RGL1: variants seen among roughly 807,000 people sequenced by gnomAD.
RGL1 encodes the protein ral guanine nucleotide dissociation stimulator-like 1.
A neutral mutation model predicts 95.2 loss-of-function variants in RGL1; 24 were observed. The ratio of observed to expected loss-of-function variants is 0.25; its 90% CI spans 0.18 to 0.35. The LOEUF (loss-of-function observed/expected upper bound fraction) is 0.35. Ranked by LOEUF, RGL1 falls within the 10% of genes least tolerant of loss-of-function variation. The probability of loss-of-function intolerance (pLI) is 1.00; values close to 1 mark genes in which losing one functional copy is unlikely to be tolerated. For missense variants in RGL1, 715 were observed against 936.3 expected (o/e 0.76, Z 3.08); for synonymous variants, 329 against 344.9 (o/e 0.95, Z 0.51).
intron 2 of RGL1, among the ~76,000 whole-genome samples, chr1:183,809,846 A>G (rs1031281989): frequency 6.6e-6 from 1 of 152,162 alleles, no homozygotes; most frequent in Non-Finnish European, 1.5e-5. Context: ...AGTCCCAGCT[A>G]CTTGGGAGGC....
chr1:183,834,975 G>A (rs1346150688), intron 2 of RGL1, among the ~76,000 whole-genome samples: 4 of 152,122 alleles, frequency 2.6e-5, no homozygotes, highest in Non-Finnish European at 5.9e-5. Flanking sequence ...CAGCCACCAT[G>A]CCTGGCCAAA....
intron 1 of RGL1, among the ~76,000 whole-genome samples, chr1:183,717,729 G>A (rs896283317): frequency 3.3e-5 from 5 of 152,198 alleles, no homozygotes; most frequent in African/African-American, 1.2e-4. Flanking sequence ...ATAAACTAGT[G>A]GAGGAGGCAT....
intron 1 of RGL1, among the ~76,000 whole-genome samples, chr1:183,636,799 G>A (rs553683275): frequency 2.0e-5 from 3 of 152,176 alleles, no homozygotes; most frequent in Non-Finnish European, 4.4e-5. Flanking sequence ...CCCATTTCTG[G>A]AATGTAGGAG....
At chr1:183,795,319 G>C (rs1196941954) in intron 2 of RGL1, among the ~76,000 whole-genome samples, 2 of 152,200 alleles carry the variant, frequency 1.3e-5, no homozygotes, top group African/African-American at 4.8e-5. Context: ...CAGTCTAATG[G>C]GAGAAACGGG....
chr1:183,921,667 A>G (rs1669314911), intron 16 of RGL1, among the ~76,000 whole-genome samples: 1 of 152,172 alleles, frequency 6.6e-6, no homozygotes, highest in Non-Finnish European at 1.5e-5. Context: ...AGCTATTGTG[A>G]ATAAATCTGC....
chr1:183,774,445 G>A (rs1047488118), intron 2 of RGL1, among the ~76,000 whole-genome samples: 1 of 152,170 alleles, frequency 6.6e-6, no homozygotes, highest in Non-Finnish European at 1.5e-5. Context: ...GGGACTGGGA[G>A]AAACTTGTCA....
chr1:183,902,442 T>A lies in RGL1; in HGVS notation c.1318-126T>A. On this transcript the variant is annotated intron_variant, in intron 11 of 17. Transcript: ENST00000360851. ...CTCTCTTCTTCCACAGTAGTCGTAA[T>A]TATAGGATCATTGATAATTGTGACT... is the stretch of plus-strand genomic sequence containing the variant. 3 of 658,230 alleles carry A rather than the reference T, an allele frequency of 4.6e-6. No homozygotes were observed. In the East Asian group the frequency reaches 8.6e-5, roughly 19 times the overall value. The allele number at this position is 658,230 out of a possible 1,614,324, so 40.8% of individuals were successfully genotyped here. A position where few individuals can be genotyped will look rare whatever the true frequency, so the allele number is the denominator to read the frequency against.
chr1:183,714,334 G>T (rs1205419155), intron 1 of RGL1, among the ~76,000 whole-genome samples: 6 of 152,130 alleles, frequency 3.9e-5, no homozygotes, highest in Non-Finnish European at 8.8e-5. Flanking sequence ...TTGCAAGGTG[G>T]TCTATCTTGT....
At chr1:183,921,309 A>G (rs1558296569) in intron 16 of RGL1, among the ~76,000 whole-genome samples, 1 of 152,218 alleles carries the variant, frequency 6.6e-6, no homozygotes, top group Non-Finnish European at 1.5e-5. Flanking sequence ...TTGAGTTTTA[A>G]TAACTATATA....
chr1:183,694,551 C>T (rs1012242576), intron 1 of RGL1, among the ~76,000 whole-genome samples: 1 of 152,172 alleles, frequency 6.6e-6, no homozygotes, highest in Non-Finnish European at 1.5e-5. Context: ...CAACATAAAG[C>T]ATTTGTCTTT....
chr1:183,719,474 C>G (rs1046991495), intron 1 of RGL1, among the ~76,000 whole-genome samples: 5 of 152,240 alleles, frequency 3.3e-5, no homozygotes, highest in Admixed American at 6.5e-5. Flanking sequence ...GGCACTGGCT[C>G]TGTCTCCTGA....
intron 9 of RGL1, among the ~76,000 whole-genome samples, chr1:183,894,088 C>A (rs544573841): frequency 3.3e-5 from 5 of 152,322 alleles, no homozygotes; most frequent in East Asian, 1.9e-4. Flanking sequence ...GCTTCACATG[C>A]CCCTGGCTTT....
At chr1:183,826,249 T>G (rs1662847348) in intron 2 of RGL1, among the ~76,000 whole-genome samples, 1 of 152,134 alleles carries the variant, frequency 6.6e-6, no homozygotes. Flanking sequence ...GAGACGGACT[T>G]TCAGCATGTT....
intron 2 of RGL1, among the ~76,000 whole-genome samples, chr1:183,782,422 C>A (rs1659951696): frequency 6.6e-6 from 1 of 152,158 alleles, no homozygotes; most frequent in African/African-American, 2.4e-5. Flanking sequence ...GAGGAATAAC[C>A]ACTTAAAAGC....
intron 2 of RGL1, among the ~76,000 whole-genome samples, chr1:183,761,598 T>C (rs1443058745): frequency 1.3e-5 from 2 of 152,216 alleles, no homozygotes; most frequent in Non-Finnish European, 2.9e-5. Flanking sequence ...TCTAGGATTT[T>C]CAGAATGGTG....
chr1:183,812,151 T>A (rs547572373), intron 2 of RGL1, among the ~76,000 whole-genome samples: 1 of 152,352 alleles, frequency 6.6e-6, no homozygotes, highest in East Asian at 1.9e-4. Flanking sequence ...ATGCACTACA[T>A]AGTAAAACAT....
At chr1:183,922,760 A>G (rs550856174) in intron 17 of RGL1, among the ~76,000 whole-genome samples, 27 of 152,288 alleles carry the variant, frequency 1.8e-4, no homozygotes, top group Admixed American at 1.5e-3. Context: ...ATAATTTCTC[A>G]TCATTTCAAT....
chr1:183,845,915 CA>C (rs2102531489), intron 2 of RGL1, among the ~76,000 whole-genome samples: 1 of 152,276 alleles, frequency 6.6e-6, no homozygotes, highest in East Asian at 1.9e-4. Flanking sequence ...AATGAGTGTG[CA>C]AAAATTTTTT....
chr1:183,784,046 C>G (rs1660032576), intron 2 of RGL1, among the ~76,000 whole-genome samples: 2 of 152,072 alleles, frequency 1.3e-5, no homozygotes, highest in Admixed American at 1.3e-4. Flanking sequence ...TCTGCAGGGC[C>G]TTGAATGTTC....
Sources: gnomAD v4.1 joint callset for allele counts (sites outside exome capture counted in the v4.1 genomes callset) on GRCh38, gnomAD v4.1.1 for gene constraint, MANE v1.5 for transcripts, NCBI Gene and HGNC (gene_info 2026-07-23, HGNC 2026-07-21) for gene names.